Variants in ANO3 observed in about 807,000 individuals in gnomAD.
ANO3 encodes the protein anoctamin 3.
Under a neutral mutation model 144.8 loss-of-function variants are expected in ANO3, and 99 were observed. That is an observed-to-expected ratio of 0.68 (90% CI 0.58 to 0.81). The LOEUF (loss-of-function observed/expected upper bound fraction) is 0.81, where lower values mean the gene tolerates loss of function less well. Ranked by LOEUF, ANO3 falls within the 30% of genes least tolerant of loss-of-function variation. The probability of loss-of-function intolerance (pLI) is 0.00; values close to 1 mark genes in which losing one functional copy is unlikely to be tolerated. For missense variants in ANO3, 905 were observed against 1,202.2 expected, an observed-to-expected ratio of 0.75 and a Z score of 3.66; for synonymous variants, 414 against 392.6, an observed-to-expected ratio of 1.05 and a Z score of -0.64.
chr11:26,269,044 A>G (rs909709251), intron 1 of ANO3, among the ~76,000 whole-genome samples: 14 of 152,138 alleles, frequency 9.2e-5, no homozygotes, highest in African/African-American at 3.4e-4. Flanking sequence ...GCCATAACCT[A>G]TTTGTGATCC....
At chr11:26,203,928 T>G (rs138947191) in intron 1 of ANO3, among the ~76,000 whole-genome samples, 266 of 152,262 alleles carry the variant, frequency 1.7e-3, no homozygotes, top group African/African-American at 5.6e-3. Flanking sequence ...TATTCACCAT[T>G]TCTTCACTTG....
intron 12 of ANO3, among the ~76,000 whole-genome samples, chr11:26,550,168 A>G (rs1565097335): frequency 6.6e-6 from 1 of 151,732 alleles, no homozygotes. Flanking sequence ...TAACAATTAT[A>G]TGATTATGAT....
intron 12 of ANO3, among the ~76,000 whole-genome samples, chr11:26,552,335 A>T (rs1469429768): frequency 6.6e-6 from 1 of 152,026 alleles, no homozygotes; most frequent in Non-Finnish European, 1.5e-5. Context: ...TTCAAGTACA[A>T]ATGTGTAAAA....
Position 26,292,524 on chromosome 11 carries a change from C to G in ANO3, c.155-17121C>G, listed in dbSNP as rs530038152. 7.9e-5 allele frequency among the ~76,000 whole-genome samples: 12 copies of G among 152,270 alleles called. No individual in the cohort carries two copies. In the South Asian group the frequency reaches 2.5e-3, roughly 32 times the overall value. On this transcript the variant is annotated intron_variant, in intron 1 of 27. Transcript: ENST00000672621. Reference sequence around the variant, plus strand: ...TTTTAGAATTTTCAGCTTTTCCGCTCTGGTTTCTCCCCATCTTTGTGGTTT... The same window carrying G: ...TTTTAGAATTTTCAGCTTTTCCGCTGTGGTTTCTCCCCATCTTTGTGGTTT...
intron 3 of ANO3, among the ~76,000 whole-genome samples, chr11:26,453,075 G>A (rs1278878136): frequency 1.3e-5 from 2 of 152,004 alleles, no homozygotes; most frequent in East Asian, 3.9e-4. Flanking sequence ...AGCTCCTGAA[G>A]GAAGCACTAA....
chr11:26,342,239 T>A (rs7945419), intron 1 of ANO3, among the ~76,000 whole-genome samples: 1 of 152,184 alleles, frequency 6.6e-6, no homozygotes, highest in African/African-American at 2.4e-5. Flanking sequence ...CTATAGGGAC[T>A]GCTATATAGT....
intron 1 of ANO3, among the ~76,000 whole-genome samples, chr11:26,366,617 C>T (rs1326962178): frequency 1.3e-5 from 2 of 152,140 alleles, no homozygotes; most frequent in Admixed American, 6.5e-5. Flanking sequence ...GTTCCTACTT[C>T]TCCACATCGT....
intron 1 of ANO3, among the ~76,000 whole-genome samples, chr11:26,232,524 C>T (rs757658208): frequency 9.2e-5 from 14 of 152,020 alleles, no homozygotes; most frequent in Non-Finnish European, 2.1e-4. Flanking sequence ...CAAAAGCAAG[C>T]AATAGGGAAA....
intron 3 of ANO3, chr11:26,460,171 T>G (rs1859333023): frequency 2.5e-6 from 1 of 395,428 alleles, no homozygotes; most frequent in African/African-American, 2.1e-5. Context: ...TACTCTAATA[T>G]TATTTGTTTT....
At chr11:26,349,887 G>A (rs1479565448) in intron 1 of ANO3, among the ~76,000 whole-genome samples, 1 of 152,156 alleles carries the variant, frequency 6.6e-6, no homozygotes, top group East Asian at 1.9e-4. Flanking sequence ...AGAGAAGAAG[G>A]AATCTTCCAT....
chr11:26,189,570 G>C (rs1269643552), intron 1 of ANO3, among the ~76,000 whole-genome samples: 4 of 152,124 alleles, frequency 2.6e-5, no homozygotes, highest in Non-Finnish European at 5.9e-5. Context: ...AGTAAACTCA[G>C]AAAAATGTTA....
intron 1 of ANO3, among the ~76,000 whole-genome samples, chr11:26,192,491 G>A (rs1418380030): frequency 3.3e-5 from 5 of 152,074 alleles, no homozygotes; most frequent in South Asian, 4.1e-4. Context: ...ATTTAACCAC[G>A]TATGTCTAAA....
intron 3 of ANO3, among the ~76,000 whole-genome samples, chr11:26,453,343 T>G (rs918585124): frequency 1.6e-4 from 25 of 151,592 alleles, no homozygotes; most frequent in African/African-American, 2.4e-4. Context: ...CCATCTCACG[T>G]GCAGAGACAC....
chr11:26,494,267 G>A (rs1179121910), intron 4 of ANO3, among the ~76,000 whole-genome samples: 2 of 151,760 alleles, frequency 1.3e-5, no homozygotes, highest in Non-Finnish European at 2.9e-5. Flanking sequence ...GAGAAAGAAT[G>A]CCATGCTGTA....
intron 14 of ANO3, among the ~76,000 whole-genome samples, chr11:26,561,496 T>C (rs1850290072): frequency 6.6e-6 from 1 of 152,034 alleles, no homozygotes; most frequent in Non-Finnish European, 1.5e-5. Flanking sequence ...AGTATATCAA[T>C]ACCTTGCATA....
chr11:26,197,764 T>C (rs557466613), intron 1 of ANO3, among the ~76,000 whole-genome samples: 1 of 152,146 alleles, frequency 6.6e-6, no homozygotes, highest in African/African-American at 2.4e-5. Flanking sequence ...TTGTCAGCCT[T>C]CCCCTACCGC....
At chr11:26,424,041 G>T (rs1329125233) in intron 1 of ANO3, among the ~76,000 whole-genome samples, 1 of 151,710 alleles carries the variant, frequency 6.6e-6, no homozygotes, top group Admixed American at 6.6e-5. Context: ...ATATGAATTT[G>T]TGGAAATTAA....
At chr11:26,580,219 A>G (rs1851094100) in intron 14 of ANO3, among the ~76,000 whole-genome samples, 1 of 152,068 alleles carries the variant, frequency 6.6e-6, no homozygotes, top group East Asian at 1.9e-4. Context: ...GCAAATTTAG[A>G]GATTTTAAAT....
intron 15 of ANO3, 88 bp from the exon 16 acceptor site, chr11:26,598,770 C>A: frequency 1.5e-6 from 2 of 1,376,582 alleles, no homozygotes; most frequent in Admixed American, 2.7e-5. Context: ...AAAAGTAGGC[C>A]AAATTTAGGA....
Sources: allele counts gnomAD v4.1 joint callset (sites outside exome capture counted in the v4.1 genomes callset), GRCh38; gene constraint gnomAD v4.1.1; transcripts MANE v1.5; gene names NCBI Gene and HGNC (gene_info 2026-07-23, HGNC 2026-07-21).